SLC26A8: variants seen among roughly 807,000 people sequenced by gnomAD.
SLC26A8 encodes testis anion transporter 1.
In SLC26A8, 70 loss-of-function variants were observed where a neutral mutation model predicts 105.0. That is an observed-to-expected ratio of 0.67 (90% CI 0.55 to 0.81). SLC26A8 has a LOEUF of 0.81. Ranked by LOEUF, SLC26A8 falls within the 40% of genes least tolerant of loss-of-function variation. The pLI, the probability that SLC26A8 is intolerant of heterozygous loss-of-function variation, is 0.00. For missense variants in SLC26A8, 998 were observed against 1,181.8 expected, an observed-to-expected ratio of 0.84 and a Z score of 2.28; for synonymous variants, 415 against 438.3, an observed-to-expected ratio of 0.95 and a Z score of 0.66.
intron 7 of SLC26A8, among the ~76,000 whole-genome samples, chr6:35,988,421 G>C (rs1261441486): frequency 6.6e-6 from 1 of 152,094 alleles, no homozygotes; most frequent in Non-Finnish European, 1.5e-5. Flanking sequence ...CTCACTTGAG[G>C]TCAGGAGTTT....
intron 8 of SLC26A8, among the ~76,000 whole-genome samples, chr6:35,980,049 T>G (rs1435388039): frequency 6.6e-6 from 1 of 152,244 alleles, no homozygotes; most frequent in East Asian, 1.9e-4. Context: ...CCTAGCTTAT[T>G]GCAACCTCCA....
intron 11 of SLC26A8, among the ~76,000 whole-genome samples, chr6:35,966,970 C>T (rs1039274589): frequency 6.6e-6 from 1 of 152,208 alleles, no homozygotes; most frequent in Non-Finnish European, 1.5e-5. Context: ...AATTCTGCTT[C>T]ATTTAGTTGT....
intron 3 of SLC26A8, among the ~76,000 whole-genome samples, chr6:36,009,856 G>C (rs1045184137): frequency 6.6e-6 from 1 of 152,088 alleles, no homozygotes; most frequent in Non-Finnish European, 1.5e-5. Flanking sequence ...CTGGGTAAAG[G>C]GTACATGGGT....
At position 35,981,818 on chromosome 6, in the gene SLC26A8, A is replaced by G. The variant is rs1369033454; in HGVS notation, c.1025+303T>C. ...CCTTGAGAATTAATCAGAGAGGTAT[A>G]GTAGTTGAGAAGGCCTATCATGTGC... is the stretch of plus-strand genomic sequence containing the variant. On this transcript the variant is annotated intron_variant, in intron 8 of 19. Transcript: ENST00000490799. This position sits in a 1 kb window ranked among gnomAD's most constrained non-coding sequence, Gnocchi z 4.0. Among the ~76,000 whole-genome samples the G allele has an allele frequency of 6.6e-6, 1 of 152,176 alleles. No individual in the cohort carries two copies. Among genetic ancestry groups the G allele is most frequent in the Admixed American group, 6.5e-5 (1 of 15,272 alleles).
intron 10 of SLC26A8, among the ~76,000 whole-genome samples, chr6:35,973,649 A>G (rs2127318835): frequency 6.6e-6 from 1 of 152,246 alleles, no homozygotes; most frequent in East Asian, 1.9e-4. Flanking sequence ...AGGGAAGCCA[A>G]AAGATTGGAC....
chr6:36,022,588 A>G (rs1272772056), intron 1 of SLC26A8, among the ~76,000 whole-genome samples: 2 of 152,162 alleles, frequency 1.3e-5, no homozygotes, highest in Non-Finnish European at 2.9e-5. Context: ...GAGACCATTA[A>G]TATTAGTCTA....
chr6:35,966,358 G>GT lies in SLC26A8; in HGVS notation c.1365+2518dup, dbSNP rs571376919. ...AGGAAAATAAACTCAACCTCATAGG[G>GT]TTTTTGAAAGGTTTTTGACTTGAGG... On this transcript the variant is annotated intron_variant, in intron 11 of 19. Transcript: ENST00000490799. Among the ~76,000 whole-genome samples, 11 of 152,290 alleles carry GT rather than the reference G, an allele frequency of 7.2e-5. No homozygotes were observed. In the East Asian group the frequency reaches 2.1e-3, roughly 29 times the overall value.
chr6:35,978,146 G>GAAAAAAAAAAAAAA (rs199662420), intron 8 of SLC26A8, among the ~76,000 whole-genome samples: 1 of 65,744 alleles, frequency 1.5e-5, no homozygotes, highest in African/African-American at 4.7e-5. Context: ...AGCACAAGAA[G>GAAAAAAAAAAAAAA]AAAAAAAAAA....
At chr6:35,950,564 C>T (rs920237872) in intron 19 of SLC26A8, among the ~76,000 whole-genome samples, 3 of 152,004 alleles carry the variant, frequency 2.0e-5, no homozygotes, top group African/African-American at 4.8e-5. Flanking sequence ...GGATTACAGG[C>T]GTGAGCCATC....
chr6:36,023,200 T>TCCATCCATCCAC (rs1762169753), intron 1 of SLC26A8, among the ~76,000 whole-genome samples: 1 of 151,484 alleles, frequency 6.6e-6, no homozygotes, highest in South Asian at 2.1e-4. Context: ...CATCCATCCA[T>TCCATCCATCCAC]CCATCCATTT....
In SLC26A8 at chr6:35,959,565, T is replaced by C. The variant is rs1235471767; in HGVS notation, c.1758A>G (p.Lys586=). 2 of 1,613,668 alleles carry C rather than the reference T, an allele frequency of 1.2e-6. No individual in the cohort carries two copies. The highest frequency in any genetic ancestry group is 2.7e-5 in the African/African-American group (2 of 74,884). The stretch of plus-strand genomic sequence containing the variant: ...TAAACAAGCTGAAAATTTCTTCTTC[T>C]TTAAGAGGCACCTTTACCATATCAA... ...KEVDMVKVPL[K]EEEIFSLFNS... The change falls in exon 16 of 20, where the codon AAA becomes AAG. Residue 586 remains lysine (K), a synonymous_variant. Transcript: ENST00000490799.
intron 3 of SLC26A8, among the ~76,000 whole-genome samples, chr6:36,005,698 T>TC (rs1175903808): frequency 1.3e-5 from 2 of 152,230 alleles, no homozygotes; most frequent in African/African-American, 4.8e-5. Flanking sequence ...TCCTAGGTTT[T>TC]CTATTGTAAA....
At chr6:35,987,294 A>C (rs975661973) in intron 7 of SLC26A8, among the ~76,000 whole-genome samples, 4 of 152,212 alleles carry the variant, frequency 2.6e-5, no homozygotes, top group Admixed American at 6.5e-5. Flanking sequence ...CACAAAGTCC[A>C]TGGTGGGTTG....
At chr6:36,013,215 T>TTG (rs768240711) in intron 2 of SLC26A8, among the ~76,000 whole-genome samples, 31 of 148,072 alleles carry the variant, frequency 2.1e-4, no homozygotes, top group African/African-American at 7.4e-4. Context: ...TTTTTTTTTT[T>TTG]AGATGGAGTC....
intron 3 of SLC26A8, among the ~76,000 whole-genome samples, chr6:36,002,691 T>C (rs1018431224): frequency 6.7e-6 from 1 of 149,632 alleles, no homozygotes; most frequent in Admixed American, 6.9e-5. Context: ...TATCTCCCAT[T>C]TTGTGATTTG....
chr6:36,008,119 CAA>C (rs35551131), intron 3 of SLC26A8, among the ~76,000 whole-genome samples: 1,985 of 70,382 alleles, frequency 0.028, 51 homozygotes, highest in African/African-American at 0.093. Context: ...GACTCCGTCT[CAA>C]AAAAAAAAAA....
intron 19 of SLC26A8, among the ~76,000 whole-genome samples, chr6:35,948,762 G>T (rs1343573812): frequency 6.6e-6 from 1 of 152,228 alleles, no homozygotes; most frequent in African/African-American, 2.4e-5. Flanking sequence ...ATGGTGGTAT[G>T]ATTTGCATGA....
At chr6:35,961,623 C>T (rs954898734) in intron 12 of SLC26A8, among the ~76,000 whole-genome samples, 3 of 152,178 alleles carry the variant, frequency 2.0e-5, no homozygotes, top group Non-Finnish European at 4.4e-5. Flanking sequence ...CATTCTCTTC[C>T]GTCCCTTTGG....
intron 10 of SLC26A8, among the ~76,000 whole-genome samples, chr6:35,970,247 A>C (rs891160212): frequency 2.0e-5 from 3 of 152,154 alleles, no homozygotes; most frequent in Non-Finnish European, 4.4e-5. Flanking sequence ...GGGGGGGAAA[A>C]CACACCTTCC....
Sources: gnomAD v4.1 joint callset for allele counts (sites outside exome capture counted in the v4.1 genomes callset) on GRCh38, gnomAD v4.1.1 for gene constraint, Gnocchi (gnomAD v3.1) non-coding constraint, MANE v1.5 for transcripts, NCBI Gene and HGNC (gene_info 2026-07-23, HGNC 2026-07-21) for gene names.